The following PIBF1 variants were observed in gnomAD, a reference collection of about 807,000 sequenced individuals.
PIBF1 encodes progesterone-induced-blocking factor 1.
Under a neutral mutation model 112.5 loss-of-function variants are expected in PIBF1, and 90 were observed. That is an observed-to-expected ratio of 0.80 (90% CI 0.67 to 0.95). PIBF1 has a LOEUF of 0.95. Ranked by LOEUF, PIBF1 falls within the 40% of genes least tolerant of loss-of-function variation. The pLI is 0.00. For synonymous variants in PIBF1, 301 were observed against 288.6 expected, an observed-to-expected ratio of 1.04 and a Z score of -0.44; for missense variants, 915 against 852.3, an observed-to-expected ratio of 1.07 and a Z score of -0.92.
chr13:72,904,509 C>T (rs1191315922), intron 11 of PIBF1, among the ~76,000 whole-genome samples: 46 of 126,824 alleles, frequency 3.6e-4, no homozygotes, highest in African/African-American at 1.1e-3. Flanking sequence ...GGCACCGTCT[C>T]GGCTCACTAC....
intron 17 of PIBF1, among the ~76,000 whole-genome samples, chr13:73,015,629 A>AT (rs1276961734): frequency 6.6e-6 from 1 of 152,292 alleles, no homozygotes; most frequent in East Asian, 1.9e-4. Context: ...TCCCCAGAAA[A>AT]TCTTAAGTAT....
chr13:72,915,469 T>A (rs1032827184), intron 12 of PIBF1, among the ~76,000 whole-genome samples: 3 of 152,222 alleles, frequency 2.0e-5, no homozygotes, highest in Non-Finnish European at 4.4e-5. Flanking sequence ...CATGATTTAT[T>A]AATCCATTAA....
rs552832891 is a variant in PIBF1, at chr13:72,854,081, T to C, written c.1248T>C (p.Asn416=). The C allele has an allele frequency of 3.1e-6, 5 of 1,612,988 alleles. No homozygotes were observed. The Admixed American group carries it at 8.3e-5, about 27-fold the overall frequency. The change falls in exon 10 of 18, where the codon AAT becomes AAC. Residue 416 remains asparagine, a synonymous_variant. Transcript: ENST00000326291. ...ENRNLREARD[N]AVAEKERAVM... is the part of the protein sequence containing the mutation. ...GAAATCTCCGAGAAGCAAGGGATAATGCTGTGGCTGAAAAGGAACGAGCAG... is the reference window on the plus strand; with the variant it reads ...GAAATCTCCGAGAAGCAAGGGATAACGCTGTGGCTGAAAAGGAACGAGCAG...
chr13:72,904,429 A>ATTT (rs1240090172), intron 11 of PIBF1, among the ~76,000 whole-genome samples: 10 of 51,090 alleles, frequency 2.0e-4, no homozygotes, highest in African/African-American at 3.4e-4. Context: ...ATATCAAAAT[A>ATTT]TTTCTTTTTT....
chr13:72,885,613 C>T (rs1047990930), intron 10 of PIBF1, among the ~76,000 whole-genome samples: 4 of 152,048 alleles, frequency 2.6e-5, no homozygotes, highest in Admixed American at 6.6e-5. Flanking sequence ...ACTGAAGTAA[C>T]TTGTATTTTA....
intron 2 of PIBF1, among the ~76,000 whole-genome samples, chr13:72,789,445 C>G (rs546555968): frequency 3.3e-5 from 5 of 152,086 alleles, no homozygotes; most frequent in Admixed American, 2.0e-4. Flanking sequence ...CCTTGGCCCC[C>G]CAAAGTGCTG....
intron 14 of PIBF1, among the ~76,000 whole-genome samples, chr13:72,945,823 T>C (rs2042134828): frequency 6.6e-6 from 1 of 152,162 alleles, no homozygotes; most frequent in African/African-American, 2.4e-5. Flanking sequence ...TAGTCTATTA[T>C]CAATTTTCAG....
At chr13:72,892,021 C>A (rs985526929) in intron 10 of PIBF1, among the ~76,000 whole-genome samples, 4 of 151,900 alleles carry the variant, frequency 2.6e-5, no homozygotes, top group African/African-American at 9.7e-5. Flanking sequence ...GTTGCCAGGC[C>A]TGGATGAAGA....
At chr13:72,895,582 CT>C (rs1048891123) in intron 11 of PIBF1, among the ~76,000 whole-genome samples, 19 of 148,852 alleles carry the variant, frequency 1.3e-4, no homozygotes, top group African/African-American at 2.0e-4. Flanking sequence ...TAAATTTAAA[CT>C]TTTTTTTTTA....
chr13:72,916,993 T>C lies in PIBF1; in HGVS notation c.1640-83T>C, dbSNP rs543517128. 1.9e-5 allele frequency: 16 copies of C among 844,284 alleles called. No homozygotes were observed. The East Asian group carries it at 4.1e-4, about 22-fold the overall frequency. 52.3% of individuals were successfully genotyped at this position (844,284 alleles called of 1,614,324 possible). On this transcript the variant is annotated intron_variant, in intron 12 of 17. Transcript: ENST00000326291. ...TGTTTTTATCCTCCCTAATTTGTTA[T>C]AACCTCCTTTATTTTCACTTCTGCC... is the stretch of plus-strand genomic sequence containing the variant.
At chr13:72,932,786 T>C (rs1214602269) in intron 14 of PIBF1, among the ~76,000 whole-genome samples, 2 of 152,250 alleles carry the variant, frequency 1.3e-5, no homozygotes, top group Admixed American at 6.5e-5. Context: ...AAATGTATTT[T>C]ACTATAAATT....
intron 15 of PIBF1, chr13:72,969,742 T>TC (rs1042768639): frequency 4.7e-4 from 72 of 152,282 alleles, no homozygotes; most frequent in African/African-American, 1.7e-3. Context: ...CAGGCTGGTT[T>TC]CTCTCCTTAT....
chr13:72,858,501 T>C (rs2038546029), intron 10 of PIBF1, among the ~76,000 whole-genome samples: 2 of 152,246 alleles, frequency 1.3e-5, no homozygotes, highest in Non-Finnish European at 2.9e-5. Context: ...TCATGAATAC[T>C]CTTACAGAAT....
Position 72,795,510 on chromosome 13 carries a change from T to C in PIBF1, c.505T>C (p.Leu169=). ...GTTGACAGAAGAGCAATATATTAAA[T>C]TAAAAGCTTTTCCTGAAGATCAGCT... ...FELTEEQYIK[L]KAFPEDQLSI... Residue 169 remains leucine, a synonymous_variant, in exon 4 of 18, where the codon TTA becomes CTA. Coordinates refer to ENST00000326291, the MANE Select transcript of PIBF1 (RefSeq NM_006346.4). 6.2e-7 allele frequency: 1 copy of C among 1,603,682 alleles called. No homozygotes were observed. Among genetic ancestry groups the C allele is most frequent in the Non-Finnish European group, 8.5e-7 (1 of 1,176,234 alleles).
In PIBF1 at chr13:72,854,007, A is replaced by G. The variant is rs372345427; in HGVS notation, c.1224-50A>G. ...AGATAGTCCATCTTTAAGAAAGAAC[A>G]TAGATAAATCACGCATTTGAAATAA... is the stretch of plus-strand genomic sequence containing the variant. On this transcript the variant is annotated intron_variant, in intron 9 of 17. Coordinates refer to ENST00000326291, the MANE Select transcript of PIBF1 (RefSeq NM_006346.4). 25 of 1,302,468 alleles carry G rather than the reference A, an allele frequency of 1.9e-5. No individual in the cohort carries two copies. In the African/African-American group the frequency reaches 2.0e-4, roughly 11 times the overall value. The allele number at this position is 1,302,468 out of a possible 1,614,324, so 80.7% of individuals were successfully genotyped here.
At chr13:72,930,481 A>G (rs1458772859) in intron 13 of PIBF1, among the ~76,000 whole-genome samples, 2 of 152,206 alleles carry the variant, frequency 1.3e-5, no homozygotes, top group African/African-American at 4.8e-5. Context: ...CACCATAGTT[A>G]GAAGGAATAG....
chr13:72,965,280 A>G lies in PIBF1; in HGVS notation c.1840A>G (p.Arg614Gly). ...GAAACCTGTGTTTCTTTAGCTTGACAGAGCCAATTCGCTATTAAACCAGAC... is the reference window on the plus strand; with the variant it reads ...GAAACCTGTGTTTCTTTAGCTTGACGGAGCCAATTCGCTATTAAACCAGAC... ...QVTQLSQELD[R>G]ANSLLNQTQQ... The change falls in exon 15 of 18, where the codon AGA (arginine) becomes GGA (glycine). Residue 614 changes from arginine (R) to glycine (G), a missense_variant. Arg to Gly is a moderately radical substitution (Grantham distance 125). Transcript: ENST00000326291. The G allele has an allele frequency of 2.5e-6, 4 of 1,608,650 alleles. No homozygotes were observed. The highest frequency in any genetic ancestry group is 1.7e-5 in the Admixed American group (1 of 59,000).
At chr13:72,955,084 T>C (rs1438997017) in intron 14 of PIBF1, among the ~76,000 whole-genome samples, 1 of 152,220 alleles carries the variant, frequency 6.6e-6, no homozygotes, top group Non-Finnish European at 1.5e-5. Flanking sequence ...TTACTTATTT[T>C]TGAGGTTGTT....
intron 11 of PIBF1, among the ~76,000 whole-genome samples, chr13:72,894,778 T>TA (rs1424958681): frequency 5.6e-4 from 80 of 143,684 alleles, no homozygotes; most frequent in African/African-American, 2.0e-3. Flanking sequence ...ATATAGTGTG[T>TA]GTGTGTGTGT....
Sources: allele counts gnomAD v4.1 joint callset (sites outside exome capture counted in the v4.1 genomes callset), GRCh38; gene constraint gnomAD v4.1.1; transcripts MANE v1.5; gene names NCBI Gene and HGNC (gene_info 2026-07-23, HGNC 2026-07-21).